Variants in KPNA7 observed in about 807,000 individuals in gnomAD.
KPNA7 encodes the protein importin subunit alpha-8.
A neutral mutation model predicts 53.7 loss-of-function variants in KPNA7; 54 were observed. The observed-to-expected ratio is 1.01, with a 90% CI of 0.81 to 1.26. KPNA7 has a LOEUF of 1.26. KPNA7 is among the 50% of genes most tolerant of loss of function. KPNA7 has a pLI of 0.00. For synonymous variants in KPNA7, 276 were observed against 259.3 expected (o/e 1.06, Z -0.62); for missense variants, 640 against 644.5 (o/e 0.99, Z 0.07).
At chr7:99,178,662 C>T (rs1799016135) in intron 9 of KPNA7, among the ~76,000 whole-genome samples, 1 of 151,002 alleles carries the variant, frequency 6.6e-6, no homozygotes, top group South Asian at 2.1e-4. Context: ...TGCTGCATTA[C>T]CCAGATTAGT....
chr7:99,174,903 T>C (rs114637577), intron 10 of KPNA7, among the ~76,000 whole-genome samples: 3,493 of 151,908 alleles, frequency 0.023, 134 homozygotes, highest in African/African-American at 0.081. Context: ...CTCTGCTTTC[T>C]GGGTTCAAGT....
At position 99,207,458 on chromosome 7, in the gene KPNA7, G is replaced by A. The variant is rs1442691492; in HGVS notation, c.9C>T (p.Thr3=). Residue 3 remains threonine (T), a synonymous_variant, in exon 2 of 11, where the codon ACC becomes ACT. Transcript: ENST00000327442. MP[T]LDAPEERRRK... ...TCCGCCTCTCTTCTGGAGCATCTAA[G>A]GTCGGCATATTGACTGGAAGTAGTA... 7.7e-6 allele frequency: 12 copies of A among 1,551,268 alleles called. No homozygotes were observed. Among genetic ancestry groups the A allele is most frequent in the Non-Finnish European group, 1.0e-5 (12 of 1,146,866 alleles).
At position 99,187,806 on chromosome 7, in the gene KPNA7, A is replaced by T. The variant is rs1563075116; in HGVS notation, c.900+494T>A. On this transcript the variant is annotated intron_variant, in intron 7 of 10. Coordinates refer to ENST00000327442, the MANE Select transcript of KPNA7 (RefSeq NM_001145715.3). ...GTGCCCGGCCTTTTTTTTTAAAAAA[A>T]AAAAAAAAAAAAAAAAAAAAAAAAA... 8.5e-4 allele frequency among the ~76,000 whole-genome samples: 25 copies of T among 29,326 alleles called. 4 individuals are homozygous for T. Among genetic ancestry groups the T allele is most frequent in the East Asian group, 3.5e-3 (2 of 564 alleles). The allele number at this position is 29,326 out of a possible 152,430, so 19.2% of individuals were successfully genotyped here.
chr7:99,202,103 A>G (rs759270994), intron 3 of KPNA7, among the ~76,000 whole-genome samples: 1 of 152,248 alleles, frequency 6.6e-6, no homozygotes, highest in Non-Finnish European at 1.5e-5. Flanking sequence ...TTGGACTCCT[A>G]TGGCAACTCA....
intron 7 of KPNA7, 57 bp downstream of exon 7, chr7:99,188,243 T>C: frequency 6.7e-7 from 1 of 1,482,434 alleles, no homozygotes; most frequent in Admixed American, 2.0e-5. Flanking sequence ...CCCCAGAACC[T>C]GCTAAAGTGA....
At chr7:99,193,199 A>C (rs1384369287) in intron 5 of KPNA7, 98 bp from the exon 6 acceptor site, 1 of 683,712 alleles carries the variant, frequency 1.5e-6, no homozygotes, top group Non-Finnish European at 2.3e-6. Flanking sequence ...CAAGAGACAA[A>C]AACTCATTCC....
chr7:99,215,680 C>G (rs901072283), intron 1 of KPNA7, among the ~76,000 whole-genome samples: 1 of 152,014 alleles, frequency 6.6e-6, no homozygotes, highest in African/African-American at 2.4e-5. Flanking sequence ...GGTGCCCTGT[C>G]GTTCTTTACT....
At chr7:99,172,958 C>T (rs1331889568), downstream of KPNA7, among the ~76,000 whole-genome samples, 1 of 144,564 alleles carries the variant, frequency 6.9e-6, no homozygotes, top group African/African-American at 2.6e-5. Flanking sequence ...AGCTATTTGG[C>T]AGGAGAGGCA....
intron 10 of KPNA7, among the ~76,000 whole-genome samples, chr7:99,175,485 C>CTTTA (rs113345297): frequency 0.098 from 14,168 of 145,254 alleles, 947 homozygotes; most frequent in African/African-American, 0.18. Context: ...GGCTTGAGAG[C>CTTTA]TTTATTTATT....
At chr7:99,209,183 G>A (rs1790972854), upstream of KPNA7, among the ~76,000 whole-genome samples, 1 of 151,914 alleles carries the variant, frequency 6.6e-6, no homozygotes, top group Non-Finnish European at 1.5e-5. Context: ...CTTTCACACG[G>A]TGTGTCTGAG....
the KPNA7 span, among the ~76,000 whole-genome samples, chr7:99,161,766 T>C: frequency 2.6e-5 from 4 of 152,120 alleles, no homozygotes; most frequent in African/African-American, 7.2e-5. Context: ...CCCCTTCTTT[T>C]ACAGATGAAA....
chr7:99,217,087 A>G (rs1157330879), intron 1 of KPNA7, among the ~76,000 whole-genome samples: 2 of 152,172 alleles, frequency 1.3e-5, no homozygotes, highest in Non-Finnish European at 2.9e-5. Flanking sequence ...ACAAAATAGC[A>G]TTTTTTGGAT....
rs754846015 is a variant in KPNA7 at position 99,177,903 on chromosome 7, G to A, written c.1464+17C>T. ...CCAAGACCCCTGGATACTCCTCCAC[G>A]CTCCTAAGTCACTTACCTCACCAAA... is the stretch of plus-strand genomic sequence containing the variant. On this transcript the variant is annotated intron_variant, in intron 10 of 10. Transcript: ENST00000327442. 2.0e-5 allele frequency: 31 copies of A among 1,550,766 alleles called. No individual in the cohort carries two copies. The highest frequency in any genetic ancestry group is 1.2e-4 in the South Asian group (10 of 83,814).
intron 3 of KPNA7, among the ~76,000 whole-genome samples, chr7:99,201,692 GA>G (rs1263201243): frequency 1.3e-5 from 2 of 149,586 alleles, no homozygotes; most frequent in East Asian, 4.1e-4. Context: ...GGGACCAAAA[GA>G]AAAACAACTT....
At chr7:99,177,137 C>G (rs1798933968) in intron 10 of KPNA7, among the ~76,000 whole-genome samples, 1 of 152,116 alleles carries the variant, frequency 6.6e-6, no homozygotes, top group Admixed American at 6.6e-5. Context: ...AGGACAAATA[C>G]TGTACAATTC....
chr7:99,193,670 AT>A (rs71515265), intron 5 of KPNA7, among the ~76,000 whole-genome samples: 12,904 of 144,264 alleles, frequency 0.089, 553 homozygotes, highest in South Asian at 0.15. Context: ...GCAGCCTTTT[AT>A]TTTTTTTTTT....
the KPNA7 span, among the ~76,000 whole-genome samples, chr7:99,155,570 C>A: frequency 6.6e-6 from 1 of 151,614 alleles, no homozygotes; most frequent in South Asian, 2.1e-4. Context: ...TGGGGTTGTT[C>A]TTGGTTTTGA....
intron 9 of KPNA7, among the ~76,000 whole-genome samples, chr7:99,180,653 C>G (rs868194962): frequency 7.0e-6 from 1 of 143,028 alleles, no homozygotes; most frequent in Non-Finnish European, 1.6e-5. Context: ...GTCTCTGTCT[C>G]TCTCTCCCCA....
chr7:99,156,894 T>C, the KPNA7 span, among the ~76,000 whole-genome samples: 1 of 152,086 alleles, frequency 6.6e-6, no homozygotes, highest in Non-Finnish European at 1.5e-5. Flanking sequence ...CTTTTGTCTT[T>C]TTCTAGAACT....
Sources: gnomAD v4.1 joint callset for allele counts (sites outside exome capture counted in the v4.1 genomes callset) on GRCh38, gnomAD v4.1.1 for gene constraint, MANE v1.5 for transcripts, NCBI Gene and HGNC (gene_info 2026-07-23, HGNC 2026-07-21) for gene names.